PARP8: variants seen among roughly 807,000 people sequenced by gnomAD.
PARP8 encodes the protein protein mono-ADP-ribosyltransferase PARP8.
PARP8 carries 51 observed loss-of-function variants against 124.1 expected under a neutral mutation model. The ratio of observed to expected loss-of-function variants is 0.41; its 90% CI spans 0.33 to 0.52. The LOEUF (loss-of-function observed/expected upper bound fraction) is 0.52. Among genes scored for constraint, PARP8 ranks in the 20% least tolerant of loss-of-function variants. The pLI is 0.21. For missense variants in PARP8, 860 were observed against 1,018.9 expected, an observed-to-expected ratio of 0.84 and a Z score of 2.12; for synonymous variants, 391 against 361.5, an observed-to-expected ratio of 1.08 and a Z score of -0.93.
At chr5:50,719,405 A>G (rs1267436674) in intron 2 of PARP8, among the ~76,000 whole-genome samples, 1 of 152,130 alleles carries the variant, frequency 6.6e-6, no homozygotes, top group Admixed American at 6.6e-5. Flanking sequence ...TTTGCCCAGA[A>G]CAATGTTCTG....
intron 10 of PARP8, among the ~76,000 whole-genome samples, chr5:50,789,144 C>A (rs576780312): frequency 6.6e-6 from 1 of 152,128 alleles, no homozygotes; most frequent in Non-Finnish European, 1.5e-5. Flanking sequence ...CCATTCCTAC[C>A]GCTTTGAAAC....
chr5:50,694,607 T>C (rs1429084307), intron 2 of PARP8, among the ~76,000 whole-genome samples: 1 of 152,138 alleles, frequency 6.6e-6, no homozygotes. Flanking sequence ...CACATTGAGA[T>C]ATTACCTTCT....
At position 50,794,288 on chromosome 5, in the gene PARP8, G is replaced by T. The variant is rs182405658; in HGVS notation, c.819G>T (p.Glu273Asp). The change falls in exon 11 of 26, where the codon GAG (glutamate) becomes GAT (aspartate). Residue 273 changes from glutamate to aspartate, a missense_variant. Glu to Asp is a conservative substitution (Grantham distance 45). Around this residue, in one of 2 missense-constraint regions of PARP8, gnomAD observed 517 missense variants for 544.2 expected, o/e 0.95. Coordinates refer to ENST00000281631, the MANE Select transcript of PARP8 (RefSeq NM_024615.4). ...GCCTGCACAATAAAAAGTTGTCAGAGAAGAAAGTGAAGTCTCCCCTGCATT... is the reference window on the plus strand; with the variant it reads ...GCCTGCACAATAAAAAGTTGTCAGATAAGAAAGTGAAGTCTCCCCTGCATT... Reference protein sequence around the residue: ...SNCLHNKKLSEKKVKSPLHLF... With the variant: ...SNCLHNKKLSDKKVKSPLHLF... 79 of 1,613,614 alleles carry T rather than the reference G, an allele frequency of 4.9e-5. No individual in the cohort carries two copies. In the African/African-American group the frequency reaches 8.7e-4, roughly 18 times the overall value.
chr5:50,757,208 T>G (rs1324353460), intron 3 of PARP8: 1 of 455,440 alleles, frequency 2.2e-6, no homozygotes, highest in Non-Finnish European at 4.4e-6. Flanking sequence ...AAAGGATTGC[T>G]GAAATGGGTA....
chr5:50,761,454 C>T (rs1760535013), intron 5 of PARP8, among the ~76,000 whole-genome samples: 1 of 151,770 alleles, frequency 6.6e-6, no homozygotes, highest in Admixed American at 6.6e-5. Context: ...TGAGAACAGC[C>T]TGGGACAAAT....
chr5:50,778,397 C>T (rs1475345384), intron 8 of PARP8, among the ~76,000 whole-genome samples, 163 bp from the exon 9 acceptor site: 1 of 151,950 alleles, frequency 6.6e-6, no homozygotes, highest in Non-Finnish European at 1.5e-5. Flanking sequence ...AGTTCTCATA[C>T]ATAGAAGGCC....
In PARP8 at chr5:50,795,342, G is replaced by C; in HGVS notation, c.1353G>C (p.Glu451Asp). The change falls in exon 12 of 26, where the codon GAG (glutamate) becomes GAC (aspartate). Residue 451 changes from glutamate to aspartate, a missense_variant. Physicochemically the swap from Glu to Asp is conservative, Grantham distance 45. Coordinates refer to ENST00000281631, the MANE Select transcript of PARP8 (RefSeq NM_024615.4). ...KTELFKEPNA[E>D]GRRLSLTSGL... Reference sequence around the variant, plus strand: ...AGCTTTTCAAGGAACCTAACGCAGAGGGCAGGAGGCTCTCTCTTACCTCAG... The same window carrying C: ...AGCTTTTCAAGGAACCTAACGCAGACGGCAGGAGGCTCTCTCTTACCTCAG... 2 of 1,614,116 alleles carry C rather than the reference G, an allele frequency of 1.2e-6. No individual in the cohort carries two copies. Among genetic ancestry groups the C allele is most frequent in the Admixed American group, 1.7e-5 (1 of 60,014 alleles).
At chr5:50,806,084 C>T (rs541647516) in intron 14 of PARP8, among the ~76,000 whole-genome samples, 14 of 151,882 alleles carry the variant, frequency 9.2e-5, no homozygotes, top group Non-Finnish European at 1.6e-4. Context: ...ATGCTTTTTG[C>T]ATGTTTTCTT....
intron 2 of PARP8, among the ~76,000 whole-genome samples, chr5:50,723,673 C>T (rs978692686): frequency 3.3e-5 from 5 of 151,698 alleles, no homozygotes; most frequent in Non-Finnish European, 5.9e-5. Context: ...GTAGAAAGAA[C>T]ATCAAAAGAC....
At chr5:50,720,794 G>A (rs1427387017) in intron 2 of PARP8, among the ~76,000 whole-genome samples, 1 of 151,984 alleles carries the variant, frequency 6.6e-6, no homozygotes, top group Non-Finnish European at 1.5e-5. Context: ...ATGCTTTTGA[G>A]CTGACCTTTG....
At chr5:50,679,683 G>T (rs1751058157) in intron 2 of PARP8, among the ~76,000 whole-genome samples, 1 of 152,172 alleles carries the variant, frequency 6.6e-6, no homozygotes, top group Non-Finnish European at 1.5e-5. Flanking sequence ...CAATGCAGGT[G>T]ATGCAGAGGT....
At chr5:50,740,696 C>T (rs1211770657) in intron 2 of PARP8, among the ~76,000 whole-genome samples, 2 of 151,800 alleles carry the variant, frequency 1.3e-5, no homozygotes, top group African/African-American at 2.4e-5. Flanking sequence ...GTCTGTAGTT[C>T]TAGCTACTTG....
intron 2 of PARP8, among the ~76,000 whole-genome samples, chr5:50,723,992 G>T (rs1756165090): frequency 6.6e-6 from 1 of 151,978 alleles, no homozygotes; most frequent in African/African-American, 2.4e-5. Flanking sequence ...AATTAAAAAA[G>T]AATCATTTTC....
At chr5:50,734,320 C>G (rs761515374) in intron 2 of PARP8, among the ~76,000 whole-genome samples, 1 of 151,992 alleles carries the variant, frequency 6.6e-6, no homozygotes, top group Non-Finnish European at 1.5e-5. Context: ...ATTCCCCAGC[C>G]CTTTTCAGAA....
intron 2 of PARP8, among the ~76,000 whole-genome samples, chr5:50,677,936 A>C (rs1281775496): frequency 6.6e-6 from 1 of 151,762 alleles, no homozygotes; most frequent in Non-Finnish European, 1.5e-5. Context: ...AAAAAAAAAA[A>C]CCCTGTACAT....
intron 2 of PARP8, among the ~76,000 whole-genome samples, chr5:50,686,996 A>T (rs1240092818): frequency 2.0e-5 from 3 of 152,174 alleles, no homozygotes; most frequent in East Asian, 3.8e-4. Flanking sequence ...GGGGATTAAC[A>T]TTCGGCTTCT....
At chr5:50,745,684 C>A (rs1319259766) in intron 2 of PARP8, among the ~76,000 whole-genome samples, 1 of 152,128 alleles carries the variant, frequency 6.6e-6, no homozygotes, top group Non-Finnish European at 1.5e-5. Flanking sequence ...GAAGCAATTG[C>A]CATTGGTTGA....
intron 3 of PARP8, among the ~76,000 whole-genome samples, chr5:50,754,000 C>T (rs1246546389): frequency 6.8e-6 from 1 of 147,736 alleles, no homozygotes; most frequent in Non-Finnish European, 1.5e-5. Context: ...TGTAGGTCCT[C>T]TATAAAACAT....
intron 3 of PARP8, among the ~76,000 whole-genome samples, chr5:50,752,462 G>C (rs1214569450): frequency 1.3e-5 from 2 of 151,906 alleles, no homozygotes; most frequent in Non-Finnish European, 2.9e-5. Context: ...TCTTCTTACT[G>C]AAAGTTTCTA....
Sources: allele counts gnomAD v4.1 joint callset (sites outside exome capture counted in the v4.1 genomes callset), GRCh38; gene constraint gnomAD v4.1.1; regional missense constraint gnomAD v4.1.1; transcripts MANE v1.5; gene names NCBI Gene and HGNC (gene_info 2026-07-23, HGNC 2026-07-21).